Variants in EZH2 observed in about 807,000 individuals in gnomAD.
EZH2 encodes enhancer of zeste 2 polycomb repressive complex 2 subunit, also known as histone-lysine N-methyltransferase EZH2.
EZH2 carries 18 observed loss-of-function variants against 98.4 expected under a neutral mutation model. The observed-to-expected ratio is 0.18, with a 90% confidence interval of 0.13 to 0.27. The LOEUF is 0.27. Among genes scored for constraint, EZH2 ranks in the 10% least tolerant of loss-of-function variants. The pLI, the probability that EZH2 is intolerant of heterozygous loss-of-function variation, is 1.00. For missense variants in EZH2, 470 were observed against 935.1 expected, an observed-to-expected ratio of 0.50 and a Z score of 6.49; for synonymous variants, 338 against 312.3, an observed-to-expected ratio of 1.08 and a Z score of -0.87.
intron 12 of EZH2, 30 bp downstream of exon 12, chr7:148,816,654 C>CT: frequency 5.8e-6 from 9 of 1,558,186 alleles, no homozygotes; most frequent in Non-Finnish European, 7.1e-6. Context: ...TCTATGTTGA[C>CT]TTCTCTAAGG....
chr7:148,828,650 A>G (rs1808442445), intron 6 of EZH2, 90 bp downstream of exon 6: 2 of 1,444,302 alleles, frequency 1.4e-6, no homozygotes, highest in Non-Finnish European at 1.9e-6. Context: ...AGAAAAAGAG[A>G]AAGAAGAAAC....
chr7:148,855,077 T>C (rs1308603091), intron 1 of EZH2, among the ~76,000 whole-genome samples: 1 of 152,256 alleles, frequency 6.6e-6, no homozygotes, highest in African/African-American at 2.4e-5. Flanking sequence ...CGCAGTGCCA[T>C]GCACTGGGCA....
chr7:148,811,725 A>C lies in EZH2; in HGVS notation c.1852-5T>G. On this transcript the variant is annotated splice_polypyrimidine_tract_variant and splice_region_variant and intron_variant, in intron 15 of 19. Coordinates refer to ENST00000320356, the MANE Select transcript of EZH2 (RefSeq NM_004456.5). ...AGATGGTGCCAGCAATAGATGCTAGAGAATAAAACACAATCACATCATCAA... is the reference window on the plus strand; with the variant it reads ...AGATGGTGCCAGCAATAGATGCTAGCGAATAAAACACAATCACATCATCAA... 6.2e-7 allele frequency: 1 copy of C among 1,609,730 alleles called. No individual in the cohort carries two copies. Among genetic ancestry groups the C allele is most frequent in the South Asian group, 1.1e-5 (1 of 91,046 alleles).
Position 148,834,714 on chromosome 7 carries a change from C to T in EZH2, c.247-1964G>A, listed in dbSNP as rs528678652. Among the ~76,000 whole-genome samples the T allele has an allele frequency of 2.2e-4, 34 of 152,288 alleles. 1 individual carries two copies. The South Asian group carries it at 6.8e-3, about 31-fold the overall frequency. The stretch of plus-strand genomic sequence containing the variant: ...TAAACAAGAAGGTGTGAACAGTTTA[C>T]TAACACTCCAGAGCCCACAATCTTT... On this transcript the variant is annotated intron_variant, in intron 3 of 19. Coordinates refer to ENST00000320356, the MANE Select transcript of EZH2 (RefSeq NM_004456.5).
At chr7:148,866,413 T>C (rs1321798054) in intron 1 of EZH2, among the ~76,000 whole-genome samples, 1 of 151,540 alleles carries the variant, frequency 6.6e-6, no homozygotes, top group Non-Finnish European at 1.5e-5. Context: ...TCTTCTGCTA[T>C]AAGAGGACAC....
At position 148,809,395 on chromosome 7, in the gene EZH2, A is replaced by C. The variant is rs763969852; in HGVS notation, c.2030-5T>G. 1.3e-6 allele frequency: 2 copies of C among 1,596,208 alleles called. No homozygotes were observed. The highest frequency in any genetic ancestry group is 4.5e-5 in the East Asian group (2 of 44,336). On this transcript the variant is annotated splice_polypyrimidine_tract_variant and splice_region_variant and intron_variant, in intron 17 of 19. Coordinates refer to ENST00000320356, the MANE Select transcript of EZH2 (RefSeq NM_004456.5). ...GGGTTGCATCCACCACAAAATCTAA[A>C]AAGAAAAAAGTAAGCACAGCCCAGT... is the stretch of plus-strand genomic sequence containing the variant.
chr7:148,871,202 G>A (rs1323341311), intron 1 of EZH2, among the ~76,000 whole-genome samples: 7 of 151,878 alleles, frequency 4.6e-5, no homozygotes, highest in South Asian at 4.2e-4. Flanking sequence ...ACAAGTGTTG[G>A]CAAGGATGCA....
chr7:148,881,246 ACTG>A (rs1279730662), intron 1 of EZH2, among the ~76,000 whole-genome samples: 1 of 152,228 alleles, frequency 6.6e-6, no homozygotes, highest in African/African-American at 2.4e-5. Flanking sequence ...TTTCTCAATC[ACTG>A]CTCATGTAAA....
intron 3 of EZH2, among the ~76,000 whole-genome samples, chr7:148,841,199 C>T (rs1428120864): frequency 6.7e-6 from 1 of 150,094 alleles, no homozygotes; most frequent in Non-Finnish European, 1.5e-5. Context: ...TTTAAGCTAA[C>T]CCTTTGGAAA....
intron 1 of EZH2, among the ~76,000 whole-genome samples, chr7:148,847,556 A>ATATAATAGG (rs1814472014): frequency 6.6e-6 from 1 of 152,246 alleles, no homozygotes; most frequent in Non-Finnish European, 1.5e-5. Flanking sequence ...TATTATAGGA[A>ATATAATAGG]CATGATCCCA....
At chr7:148,860,593 G>C (rs1369617582) in intron 1 of EZH2, among the ~76,000 whole-genome samples, 1 of 152,160 alleles carries the variant, frequency 6.6e-6, no homozygotes, top group Admixed American at 6.5e-5. Flanking sequence ...CTCATGACCT[G>C]TTTAGTTTAT....
chr7:148,810,364 G>A lies in EZH2; in HGVS notation c.1998C>T (p.Tyr666=), dbSNP rs1253948999. 10 of 1,610,910 alleles carry A rather than the reference G, an allele frequency of 6.2e-6. No individual in the cohort carries two copies. In the South Asian group the frequency reaches 8.8e-5, roughly 14 times the overall value. ...TCAAGTTGAACAGAAAGCTGCACATGTATTTATCATACACTTTCCCTCTTC... is the reference window on the plus strand; with the variant it reads ...TCAAGTTGAACAGAAAGCTGCACATATATTTATCATACACTTTCCCTCTTC... The part of the protein sequence containing the change: ...ADRRGKVYDK[Y]MCSFLFNLNN... The change falls in exon 17 of 20, where the codon TAC becomes TAT. Residue 666 remains tyrosine (Y), a synonymous_variant. Coordinates refer to ENST00000320356, the MANE Select transcript of EZH2 (RefSeq NM_004456.5).
chr7:148,848,279 AGAT>A (rs758231570), intron 1 of EZH2, among the ~76,000 whole-genome samples: 2 of 152,236 alleles, frequency 1.3e-5, no homozygotes, highest in Admixed American at 6.5e-5. Context: ...CAACCAGGTT[AGAT>A]GATGCTGCAG....
Position 148,817,977 on chromosome 7 carries a change from T to C in EZH2, c.1140A>G (p.Ser380=), listed in dbSNP as rs752843868. The change falls in exon 10 of 20, where the codon TCA becomes TCG. Residue 380 remains serine, a synonymous_variant. Coordinates refer to ENST00000320356, the MANE Select transcript of EZH2 (RefSeq NM_004456.5). ...PSTPTINVLE[S]KDTDSDREAG... Reference sequence around the variant, plus strand: ...CTTCCCTATCACTGTCTGTATCCTTTGATTCCAGCACATTAATGGTGGGGG... The same window carrying C: ...CTTCCCTATCACTGTCTGTATCCTTCGATTCCAGCACATTAATGGTGGGGG... 6.8e-6 allele frequency: 11 copies of C among 1,614,168 alleles called. No homozygotes were observed. Among genetic ancestry groups the C allele is most frequent in the Admixed American group, 1.7e-5 (1 of 60,018 alleles).
intron 16 of EZH2, 93 bp from the exon 17 acceptor site, chr7:148,810,507 T>C (rs1719805346): frequency 1.3e-6 from 1 of 770,820 alleles, no homozygotes; most frequent in Admixed American, 2.1e-5. Context: ...TACTGGACCT[T>C]CTGGAGAAAA....
chr7:148,812,625 A>T (rs1029211199), intron 15 of EZH2, among the ~76,000 whole-genome samples: 3 of 152,236 alleles, frequency 2.0e-5, no homozygotes, highest in African/African-American at 7.2e-5. Flanking sequence ...AAAATGTCTT[A>T]CAAAGAGGAC....
At chr7:148,833,229 C>T (rs111326581) in intron 3 of EZH2, among the ~76,000 whole-genome samples, 1,701 of 152,014 alleles carry the variant, frequency 0.011, 28 homozygotes, top group African/African-American at 0.039. Flanking sequence ...GAGGCCGAGA[C>T]GGGCGGATCA....
At chr7:148,855,328 A>C (rs1816633933) in intron 1 of EZH2, among the ~76,000 whole-genome samples, 1 of 152,236 alleles carries the variant, frequency 6.6e-6, no homozygotes. Flanking sequence ...TAATAAGAGA[A>C]GAGTTAGTTG....
chr7:148,816,911 C>T lies in EZH2; in HGVS notation c.1411-133G>A, dbSNP rs1405548678. 74 of 680,274 alleles carry T rather than the reference C, an allele frequency of 1.1e-4. No homozygotes were observed. In the East Asian group the frequency reaches 1.4e-3, roughly 13 times the overall value. The allele number at this position is 680,274 out of a possible 1,614,324, so 42.1% of individuals were successfully genotyped here. A position where few individuals can be genotyped will look rare whatever the true frequency, so the allele number is the denominator to read the frequency against. On this transcript the variant is annotated intron_variant, in intron 11 of 19. Transcript: ENST00000320356. ...TAGATGCTGGGGATATAACACACAT[C>T]GCTGTCCCTACCCTCACATTAGGGG...
Sources: gnomAD v4.1 joint callset for allele counts (sites outside exome capture counted in the v4.1 genomes callset) on GRCh38, gnomAD v4.1.1 for gene constraint, MANE v1.5 for transcripts, NCBI Gene and HGNC (gene_info 2026-07-23, HGNC 2026-07-21) for gene names.